SLC31A1: variants seen among roughly 807,000 people sequenced by gnomAD.
SLC31A1 encodes the protein solute carrier family 31 member 1.
Under a neutral mutation model 17.2 loss-of-function variants are expected in SLC31A1, and 5 were observed. The ratio of observed to expected loss-of-function variants is 0.29; its 90% CI spans 0.15 to 0.61. The LOEUF is 0.61. SLC31A1 is among the 20% of genes least tolerant of loss of function. SLC31A1 has a pLI of 0.86. For missense variants in SLC31A1, 161 were observed against 241.4 expected, an observed-to-expected ratio of 0.67 and a Z score of 2.21; for synonymous variants, 76 against 78.8, an observed-to-expected ratio of 0.96 and a Z score of 0.19.
chr9:113,262,264 T>G lies in SLC31A1; in HGVS notation c.*1791T>G, dbSNP rs1302803075. 1 of 152,670 alleles carries G rather than the reference T, an allele frequency of 6.6e-6. No individual in the cohort carries two copies. The highest frequency in any genetic ancestry group is 1.5e-5 in the Non-Finnish European group (1 of 68,046). The allele number at this position is 152,670 out of a possible 1,614,324, so 9.5% of individuals were successfully genotyped here. On this transcript the variant is annotated 3_prime_UTR_variant, in exon 5 of 5. Transcript: ENST00000374212. ...ATCATCTTTGTTATTCGTGGGGGTT[T>G]AATTACATTACAAGTGGCCAAAACC...
chr9:113,252,129 G>C (rs10817470), intron 1 of SLC31A1, among the ~76,000 whole-genome samples: 49,111 of 152,018 alleles, frequency 0.32, 8,074 homozygotes, highest in African/African-American at 0.35. Context: ...TGTCTGAAGA[G>C]ATTTGATAAT....
intron 1 of SLC31A1, among the ~76,000 whole-genome samples, chr9:113,235,287 C>G (rs1423456103): frequency 1.3e-5 from 2 of 152,144 alleles, no homozygotes; most frequent in African/African-American, 4.8e-5. Flanking sequence ...TTTATACCCA[C>G]CAGAATGGCT....
Position 113,221,650 on chromosome 9 carries a change from G to A in SLC31A1, c.-64G>A, listed in dbSNP as rs1831271649. Reference sequence around the variant, plus strand: ...GACGGGTTAAGATTCGGAGAGAGAGGTGCTAGTGGCTGGACTTGACCTGGA... The same window carrying A: ...GACGGGTTAAGATTCGGAGAGAGAGATGCTAGTGGCTGGACTTGACCTGGA... On this transcript the variant is annotated 5_prime_UTR_variant, in exon 1 of 5. The change creates a new upstream start codon in the 5' untranslated region. Transcript: ENST00000374212. 1 of 340,846 alleles carries A rather than the reference G, an allele frequency of 2.9e-6. No homozygotes were observed. Among genetic ancestry groups the A allele is most frequent in the Non-Finnish European group, 5.7e-6 (1 of 175,286 alleles). The allele number at this position is 340,846 out of a possible 1,614,324, so 21.1% of individuals were successfully genotyped here. A position where few individuals can be genotyped will look rare whatever the true frequency, so the allele number is the denominator to read the frequency against.
chr9:113,263,678 T>G lies in SLC31A1; in HGVS notation c.*3205T>G, dbSNP rs1290515857. ...CATTTATAAACCTGTTAAGAGACTTTAAGCATGCTTCAAGAGGCAGTTGAC... is the reference window on the plus strand; with the variant it reads ...CATTTATAAACCTGTTAAGAGACTTGAAGCATGCTTCAAGAGGCAGTTGAC... On this transcript the variant is annotated 3_prime_UTR_variant, in exon 5 of 5. Transcript: ENST00000374212. 1 of 152,666 alleles carries G rather than the reference T, an allele frequency of 6.6e-6. No individual in the cohort carries two copies. The highest frequency in any genetic ancestry group is 1.5e-5 in the Non-Finnish European group (1 of 68,064). The allele number at this position is 152,666 out of a possible 1,614,324, so 9.5% of individuals were successfully genotyped here.
chr9:113,227,436 T>C (rs1398017976), intron 1 of SLC31A1: 1 of 152,100 alleles, frequency 6.6e-6, no homozygotes, highest in Non-Finnish European at 1.5e-5. Flanking sequence ...GTATTTTTGA[T>C]AGAGTCGGGG....
rs551143819 is a variant in SLC31A1 at position 113,260,786 on chromosome 9, A to G, written c.*313A>G. On this transcript the variant is annotated 3_prime_UTR_variant, in exon 5 of 5. Coordinates refer to ENST00000374212, the MANE Select transcript of SLC31A1 (RefSeq NM_001859.4). ...TTATATGTTCTTGTCTAATCCATGT[A>G]GCTTTTTGTTCAATGACTTGATCAT... 8.0e-6 allele frequency: 3 copies of G among 374,158 alleles called. No individual in the cohort carries two copies. Among genetic ancestry groups the G allele is most frequent in the East Asian group, 1.2e-4 (2 of 16,642 alleles). 23.2% of individuals were successfully genotyped at this position (374,158 alleles called of 1,614,324 possible). A position where few individuals can be genotyped will look rare whatever the true frequency, so the allele number is the denominator to read the frequency against.
At chr9:113,244,091 C>G (rs552608609) in intron 1 of SLC31A1, among the ~76,000 whole-genome samples, 4 of 133,808 alleles carry the variant, frequency 3.0e-5, no homozygotes, top group African/African-American at 1.1e-4. Flanking sequence ...GGAGGCGGAG[C>G]TTTCAGTGAG....
At position 113,258,635 on chromosome 9, in the gene SLC31A1, A is replaced by G; in HGVS notation, c.203-59A>G. On this transcript the variant is annotated intron_variant, in intron 3 of 4. Coordinates refer to ENST00000374212, the MANE Select transcript of SLC31A1 (RefSeq NM_001859.4). The surrounding 1 kb of genome is among the most constrained non-coding windows in gnomAD (Gnocchi z 4.8). ...ATGTGTCTTTCTAGCTGGACAGCACATTGGCTAATGATTTTGCACATGTTT... is the reference window on the plus strand; with the variant it reads ...ATGTGTCTTTCTAGCTGGACAGCACGTTGGCTAATGATTTTGCACATGTTT... 1 of 1,578,514 alleles carries G rather than the reference A, an allele frequency of 6.3e-7. No homozygotes were observed. Among genetic ancestry groups the G allele is most frequent in the Non-Finnish European group, 8.7e-7 (1 of 1,149,128 alleles).
rs1051356192 is a variant in SLC31A1 at position 113,252,456 on chromosome 9, C to T, written c.-35-3658C>T. ...GACTACAGGTGCCTGCCACTAGGTC[C>T]GGGTACTTTTTGTATTTTCAGTAGA... On this transcript the variant is annotated intron_variant, in intron 1 of 4. Coordinates refer to ENST00000374212, the MANE Select transcript of SLC31A1 (RefSeq NM_001859.4). Among the ~76,000 whole-genome samples the T allele has an allele frequency of 1.6e-4, 24 of 152,164 alleles. No individual in the cohort carries two copies. The East Asian group carries it at 3.1e-3, about 20-fold the overall frequency.
chr9:113,245,703 T>A (rs188345380), intron 1 of SLC31A1, among the ~76,000 whole-genome samples: 1 of 151,646 alleles, frequency 6.6e-6, no homozygotes, highest in African/African-American at 2.4e-5. Context: ...CAATCATGGC[T>A]CACTGCAGCC....
intron 1 of SLC31A1, among the ~76,000 whole-genome samples, chr9:113,254,805 A>G (rs1157144160): frequency 6.6e-6 from 1 of 152,134 alleles, no homozygotes; most frequent in African/African-American, 2.4e-5. Flanking sequence ...AAGCTGAGGC[A>G]TGAGAGTCAC....
intron 1 of SLC31A1, among the ~76,000 whole-genome samples, chr9:113,236,108 T>C (rs1398575407): frequency 6.6e-6 from 1 of 151,928 alleles, no homozygotes; most frequent in African/African-American, 2.4e-5. Flanking sequence ...GTGCCTCAGC[T>C]TCCTGAGTTG....
rs1200539470 is a variant in SLC31A1, at chr9:113,263,909, G to A, written c.*3436G>A. 1 of 152,222 alleles carries A rather than the reference G, an allele frequency of 6.6e-6. No individual in the cohort carries two copies. Among genetic ancestry groups the A allele is most frequent in the African/African-American group, 2.4e-5 (1 of 41,462 alleles). The allele number at this position is 152,222 out of a possible 1,614,324, so 9.4% of individuals were successfully genotyped here. A position where few individuals can be genotyped will look rare whatever the true frequency, so the allele number is the denominator to read the frequency against. Reference sequence around the variant, plus strand: ...AATTCCCTTTCAGGCTGTGGGTACTGGTCTTGGGTTCTAGTCATAAGGGGT... The same window carrying A: ...AATTCCCTTTCAGGCTGTGGGTACTAGTCTTGGGTTCTAGTCATAAGGGGT... On this transcript the variant is annotated 3_prime_UTR_variant, in exon 5 of 5. Transcript: ENST00000374212.
chr9:113,242,915 T>G (rs1268671756), intron 1 of SLC31A1, among the ~76,000 whole-genome samples: 1 of 152,232 alleles, frequency 6.6e-6, no homozygotes, highest in Non-Finnish European at 1.5e-5. Flanking sequence ...TGAGTTTTGT[T>G]TACAGTCTCT....
intron 1 of SLC31A1, among the ~76,000 whole-genome samples, chr9:113,228,639 A>G (rs543894243): frequency 3.8e-4 from 58 of 152,332 alleles, no homozygotes; most frequent in Middle Eastern, 3.4e-3. Flanking sequence ...CAGGATATGT[A>G]AAGCTCAGAA....
At chr9:113,236,821 ATT>A (rs1831465779) in intron 1 of SLC31A1, among the ~76,000 whole-genome samples, 1 of 152,168 alleles carries the variant, frequency 6.6e-6, no homozygotes, top group African/African-American at 2.4e-5. Flanking sequence ...CTAGTCTTAC[ATT>A]TTTCAAATTG....
intron 1 of SLC31A1, among the ~76,000 whole-genome samples, chr9:113,253,244 C>T (rs1441275955): frequency 6.6e-6 from 1 of 151,992 alleles, no homozygotes; most frequent in Non-Finnish European, 1.5e-5. Flanking sequence ...CGTGAGCCAC[C>T]GCGCCTGGCC....
chr9:113,248,310 A>G (rs1831606281), intron 1 of SLC31A1, among the ~76,000 whole-genome samples: 1 of 151,694 alleles, frequency 6.6e-6, no homozygotes, highest in South Asian at 2.1e-4. Context: ...GGTGACAGAG[A>G]CTCTGTCTCA....
chr9:113,259,032 A>G (rs1057138441), intron 4 of SLC31A1, among the ~76,000 whole-genome samples, 170 bp downstream of exon 4: 1 of 152,196 alleles, frequency 6.6e-6, no homozygotes, highest in African/African-American at 2.4e-5. Flanking sequence ...AGGCCAAAGG[A>G]GGAATGAGAG....
Sources: gnomAD v4.1 joint callset for allele counts (sites outside exome capture counted in the v4.1 genomes callset) on GRCh38, gnomAD v4.1.1 for gene constraint, Gnocchi (gnomAD v3.1) non-coding constraint, MANE v1.5 for transcripts, NCBI Gene and HGNC (gene_info 2026-07-23, HGNC 2026-07-21) for gene names.